The following A2ML1 variants were observed in gnomAD, a reference collection of about 807,000 sequenced individuals.
A2ML1 encodes the protein alpha-2-macroglobulin-like protein 1.
In A2ML1, 161 loss-of-function variants were observed where a neutral mutation model predicts 181.9. The observed-to-expected ratio is 0.89, with a 90% confidence interval of 0.78 to 1.01. A2ML1 has a LOEUF of 1.01. A2ML1 is among the 50% of genes least tolerant of loss of function. The pLI is 0.00. For synonymous variants in A2ML1, 663 were observed against 666.8 expected (o/e 0.99, Z 0.09); for missense variants, 1,670 against 1,768.1 (o/e 0.94, Z 1.00).
intron 7 of A2ML1, among the ~76,000 whole-genome samples, chr12:8,886,031 C>G (rs1027073181): frequency 1.3e-5 from 2 of 151,804 alleles, no homozygotes; most frequent in Non-Finnish European, 2.9e-5. Context: ...CACACACACA[C>G]ACACACACAC....
intron 33 of A2ML1, among the ~76,000 whole-genome samples, chr12:8,870,376 T>G (rs1349691579): frequency 6.6e-6 from 1 of 150,952 alleles, no homozygotes; most frequent in Non-Finnish European, 1.5e-5. Flanking sequence ...CATGCCATTC[T>G]CCTGCCTCAG....
chr12:8,841,021 A>AGGAAGGAAGGAC (rs1555109424), intron 10 of A2ML1, among the ~76,000 whole-genome samples: 5,791 of 122,574 alleles, frequency 0.047, 184 homozygotes, highest in Middle Eastern at 0.065. Flanking sequence ...GACGGAAGGA[A>AGGAAGGAAGGAC]GGAAGGAAGG....
At chr12:8,865,454 G>T (rs970859266) in intron 29 of A2ML1, among the ~76,000 whole-genome samples, 1 of 152,140 alleles carries the variant, frequency 6.6e-6, no homozygotes, top group African/African-American at 2.4e-5. Context: ...CAGGAGAATC[G>T]CTTGAACCCG....
rs963957898 is a variant in A2ML1 at position 8,876,596 on chromosome 12, A to G, written c.*540A>G. ...GCCAAGGCAGGAGAATCGCCTCAACACTGGAGGTGGAGGTTGCAGTGAGCT... is the reference window on the plus strand; with the variant it reads ...GCCAAGGCAGGAGAATCGCCTCAACGCTGGAGGTGGAGGTTGCAGTGAGCT... On this transcript the variant is annotated 3_prime_UTR_variant, in exon 36 of 36. Coordinates refer to ENST00000299698, the MANE Select transcript of A2ML1 (RefSeq NM_144670.6). The G allele has an allele frequency of 1.3e-5, 2 of 152,078 alleles. No homozygotes were observed. Among genetic ancestry groups the G allele is most frequent in the African/African-American group, 4.8e-5 (2 of 41,370 alleles). The allele number at this position is 152,078 out of a possible 1,614,324, so 9.4% of individuals were successfully genotyped here.
At position 8,846,022 on chromosome 12, in the gene A2ML1, G is replaced by T; in HGVS notation, c.1538-55G>T. The T allele has an allele frequency of 1.9e-6, 3 of 1,602,380 alleles. No individual in the cohort carries two copies. The South Asian group carries it at 3.3e-5, about 18-fold the overall frequency. On this transcript the variant is annotated intron_variant, in intron 13 of 35. Transcript: ENST00000299698. ...TGAAAAGTACATATGGTTAGATGCCGTTGGCAGGTGAATGTGCATTCTGAT... is the reference window on the plus strand; with the variant it reads ...TGAAAAGTACATATGGTTAGATGCCTTTGGCAGGTGAATGTGCATTCTGAT...
Position 8,823,190 on chromosome 12 carries a change from T to A in A2ML1, c.71T>A (p.Leu24Gln), listed in dbSNP as rs765032988. Reference protein sequence around the residue: ...PAIAEELPNYLVTLPARLNFP... With the variant: ...PAIAEELPNYQVTLPARLNFP... ...TTCTGCTCCTTTAATAGAAACTACC[T>A]GGTGACATTACCAGCCCGGCTAAAT... is the stretch of plus-strand genomic sequence containing the variant. The change falls in exon 2 of 36, where the codon CTG (leucine) becomes CAG (glutamine). Residue 24 changes from leucine (L) to glutamine (Q), a missense_variant. Transcript: ENST00000299698. The A allele has an allele frequency of 6.8e-6, 11 of 1,613,514 alleles. No individual in the cohort carries two copies. The highest frequency in any genetic ancestry group is 1.6e-4 in the Middle Eastern group (1 of 6,080).
At position 8,848,814 on chromosome 12, in the gene A2ML1, A is replaced by G. The variant is rs965537294; in HGVS notation, c.1928A>G (p.Gln643Arg). Residue 643 changes from glutamine (Q) to arginine (R), a missense_variant, in exon 16 of 36, where the codon CAG becomes CGG. Physicochemically the swap from Gln to Arg is conservative, Grantham distance 43 (BLOSUM62 1). Coordinates refer to ENST00000299698, the MANE Select transcript of A2ML1 (RefSeq NM_144670.6). Reference protein sequence around the residue: ...CPVSGPWDFPQPLIDPMPQGH... With the variant: ...CPVSGPWDFPRPLIDPMPQGH... ...GTGTCTGGCCCATGGGACTTTCCTC[A>G]GCCCCTCATTGACCCAATGCCCCAA... The G allele has an allele frequency of 6.2e-7, 1 of 1,614,132 alleles. No homozygotes were observed. The highest frequency in any genetic ancestry group is 1.3e-5 in the African/African-American group (1 of 75,038).
At position 8,860,921 on chromosome 12, in the gene A2ML1, C is replaced by T. The variant is rs754456789; in HGVS notation, c.3305C>T (p.Thr1102Ile). The T allele has an allele frequency of 3.7e-6, 6 of 1,614,028 alleles. No individual in the cohort carries two copies. The Admixed American group carries it at 8.3e-5, about 22-fold the overall frequency. The change falls in exon 27 of 36, where the codon ACA becomes ATA. Residue 1102 changes from threonine (T) to isoleucine (I), a missense_variant. Physicochemically the swap from Thr to Ile is moderately conservative, Grantham distance 89 (BLOSUM62 -1). Transcript: ENST00000299698. Reference sequence around the variant, plus strand: ...GAGGTCTCCTTGACTGCGTATGTCACAGCTGCATTGCTGGAGATGGGAAAG... The same window carrying T: ...GAGGTCTCCTTGACTGCGTATGTCATAGCTGCATTGCTGGAGATGGGAAAG... The part of the protein sequence containing the change: ...DDEVSLTAYV[T>I]AALLEMGKDV...
rs752776361 is a variant in A2ML1 at position 8,837,523 on chromosome 12, A to G, written c.812A>G (p.Glu271Gly). 1 of 1,613,992 alleles carries G rather than the reference A, an allele frequency of 6.2e-7. No individual in the cohort carries two copies. Among genetic ancestry groups the G allele is most frequent in the Admixed American group, 1.7e-5 (1 of 60,012 alleles). ...AATACTTACTGGTATCGAGAGGTGGAACGGGAACAGCTTCCTGACAAATGC... is the reference window on the plus strand; with the variant it reads ...AATACTTACTGGTATCGAGAGGTGGGACGGGAACAGCTTCCTGACAAATGC... ...KANTYWYREV[E>G]REQLPDKCRN... The change falls in exon 8 of 36, where the codon GAA becomes GGA. Residue 271 changes from glutamate (E) to glycine (G), a missense_variant. Glu to Gly is a moderately conservative substitution (Grantham distance 98). Coordinates refer to ENST00000299698, the MANE Select transcript of A2ML1 (RefSeq NM_144670.6).
intron 5 of A2ML1, 122 bp downstream of exon 5, chr12:8,834,804 C>T: frequency 8.2e-7 from 1 of 1,221,266 alleles, no homozygotes; most frequent in East Asian, 2.4e-5. Flanking sequence ...TGACTCTGCC[C>T]AGCACCGAGC....
chr12:8,855,384 C>T, intron 22 of A2ML1, 125 bp from the exon 23 acceptor site: 1 of 787,332 alleles, frequency 1.3e-6, no homozygotes, highest in South Asian at 1.6e-5. Context: ...GTGCTTTCTG[C>T]ATCCCAGAGA....
chr12:8,848,833 G>A lies in A2ML1; in HGVS notation c.1947G>A (p.Met649Ile), dbSNP rs1387533615. The change falls in exon 16 of 36, where the codon ATG (methionine) becomes ATA (isoleucine). Residue 649 changes from methionine (M) to isoleucine (I), a missense_variant. By Grantham distance (10) the Met-to-Ile change is conservative. Coordinates refer to ENST00000299698, the MANE Select transcript of A2ML1 (RefSeq NM_144670.6). ...TTCCTCAGCCCCTCATTGACCCAATGCCCCAAGGGCATTCGAGCCAGCGTT... is the reference window on the plus strand; with the variant it reads ...TTCCTCAGCCCCTCATTGACCCAATACCCCAAGGGCATTCGAGCCAGCGTT... Reference protein sequence around the residue: ...WDFPQPLIDPMPQGHSSQRSI... With the variant: ...WDFPQPLIDPIPQGHSSQRSI... 6.2e-6 allele frequency: 10 copies of A among 1,614,100 alleles called. No individual in the cohort carries two copies. Among genetic ancestry groups the A allele is most frequent in the African/African-American group, 1.3e-5 (1 of 75,036 alleles).
chr12:8,880,130 G>A (rs773357410), downstream of A2ML1, among the ~76,000 whole-genome samples: 16 of 152,148 alleles, frequency 1.1e-4, no homozygotes, highest in Non-Finnish European at 1.9e-4. Flanking sequence ...TTGGGAGGCC[G>A]AGGCAGGCAG....
At chr12:8,863,682 T>G (rs1394216847) in intron 28 of A2ML1, 112 bp from the exon 29 acceptor site, 1 of 1,039,568 alleles carries the variant, frequency 9.6e-7, no homozygotes, top group African/African-American at 1.6e-5. Context: ...TTTTCTACTC[T>G]GTTTAATTCT....
intron 5 of A2ML1, chr12:8,834,948 C>A (rs1474817458): frequency 5.8e-6 from 3 of 519,154 alleles, no homozygotes; most frequent in Non-Finnish European, 1.0e-5. Context: ...CTTCTCTGTG[C>A]CCAGATGACT....
intron 33 of A2ML1, among the ~76,000 whole-genome samples, chr12:8,871,950 C>T (rs774571290): frequency 6.1e-4 from 92 of 151,998 alleles, no homozygotes; most frequent in African/African-American, 1.9e-3. Context: ...GAGGCTGAGA[C>T]GGGCAGATCA....
chr12:8,883,483 C>G (rs776891336), intron 7 of A2ML1, among the ~76,000 whole-genome samples: 37 of 152,032 alleles, frequency 2.4e-4, no homozygotes, highest in African/African-American at 8.7e-4. Flanking sequence ...TTCTCTCTCT[C>G]TCTTTTTTTT....
chr12:8,824,928 T>C (rs1423947500), intron 3 of A2ML1, among the ~76,000 whole-genome samples: 4 of 152,226 alleles, frequency 2.6e-5, no homozygotes, highest in Admixed American at 2.6e-4. Context: ...TCTCATTCTT[T>C]TTTATGGCTG....
chr12:8,837,742 A>G (rs1317270876), intron 8 of A2ML1, among the ~76,000 whole-genome samples, 176 bp downstream of exon 8: 1 of 152,020 alleles, frequency 6.6e-6, no homozygotes, highest in African/African-American at 2.4e-5. Context: ...TTGGCTGGGC[A>G]TGGTGGTGTG....
Sources: gnomAD v4.1 joint callset for allele counts (sites outside exome capture counted in the v4.1 genomes callset) on GRCh38, gnomAD v4.1.1 for gene constraint, MANE v1.5 for transcripts, NCBI Gene and HGNC (gene_info 2026-07-23, HGNC 2026-07-21) for gene names.